Variants in TMEM179B observed in about 807,000 individuals in gnomAD.
TMEM179B encodes transmembrane protein 179B.
Under a neutral mutation model 18.0 loss-of-function variants are expected in TMEM179B, and 13 were observed. The observed-to-expected ratio is 0.72, with a 90% CI of 0.47 to 1.15. TMEM179B has a LOEUF of 1.15. Among genes scored for constraint, TMEM179B ranks in the 50% most tolerant of loss-of-function variants. The probability of loss-of-function intolerance (pLI) is 0.00; values close to 1 mark genes in which losing one functional copy is unlikely to be tolerated. For synonymous variants in TMEM179B, 159 were observed against 117.5 expected, an observed-to-expected ratio of 1.35 and a Z score of -2.29; for missense variants, 320 against 270.6, an observed-to-expected ratio of 1.18 and a Z score of -1.28.
chr11:62,789,338 G>A lies in TMEM179B; in HGVS notation c.331G>A (p.Val111Ile), dbSNP rs752707547. ...TGCACTGGCCATCTCAGCTATAGCC[G>A]TCTTCCTGGTCTTGGTGTCTGCCTG... ...RIALAISAIA[V>I]FLVLVSACIL... is the part of the protein sequence containing the mutation. Residue 111 changes from valine (V) to isoleucine (I), a missense_variant, in exon 3 of 5, where the codon GTC (valine) becomes ATC (isoleucine). Transcript: ENST00000333449. The A allele has an allele frequency of 1.1e-5, 17 of 1,613,924 alleles. No homozygotes were observed. The highest frequency in any genetic ancestry group is 9.9e-5 in the South Asian group (9 of 91,056).
chr11:62,787,445 G>A lies in TMEM179B; in HGVS notation c.14G>A (p.Trp5Ter), dbSNP rs771398878. 3 of 1,568,920 alleles carry A rather than the reference G, an allele frequency of 1.9e-6. No individual in the cohort carries two copies. The highest frequency in any genetic ancestry group is 1.7e-4 in the Middle Eastern group (1 of 5,784). MALS[W>*]LQRVELALFA... is the part of the protein sequence containing the mutation. ...GGTCAGGGCGCCATGGCGCTGTCCTGGCTGCAGCGCGTCGAGCTTGCGCTC... is the reference window on the plus strand; with the variant it reads ...GGTCAGGGCGCCATGGCGCTGTCCTAGCTGCAGCGCGTCGAGCTTGCGCTC... The change falls in exon 1 of 5, where the codon TGG becomes TAG. Residue 5 changes from tryptophan to a stop codon, truncating the protein, a stop_gained. Transcript: ENST00000333449. LOFTEE classifies it high-confidence loss of function.
Position 62,787,425 on chromosome 11 carries a change from GGGCGCCAT to G in TMEM179B, c.-1_7del. ...CTGCAGCGGCGCTTCCTGGTGGTCA[GGGCGCCAT>G]GGCGCTGTCCTGGCTGCAGCGCGTC... On this transcript the variant is annotated start_lost and 5_prime_UTR_variant, in exon 1 of 5. Coordinates refer to ENST00000333449, the MANE Select transcript of TMEM179B (RefSeq NM_199337.3). The G allele has an allele frequency of 6.4e-7, 1 of 1,560,492 alleles. No individual in the cohort carries two copies. Among genetic ancestry groups the G allele is most frequent in the Non-Finnish European group, 8.6e-7 (1 of 1,160,812 alleles).
At chr11:62,788,809 C>T (rs756485951) in intron 1 of TMEM179B, among the ~76,000 whole-genome samples, 5 of 152,106 alleles carry the variant, frequency 3.3e-5, no homozygotes, top group Admixed American at 2.0e-4. Context: ...ATTCTATATT[C>T]ATTGCCTATT....
chr11:62,790,119 C>T lies in TMEM179B; in HGVS notation c.*72C>T. 28 of 1,208,728 alleles carry T rather than the reference C, an allele frequency of 2.3e-5. No homozygotes were observed. The highest frequency in any genetic ancestry group is 1.4e-4 in the South Asian group (8 of 58,758). The allele number at this position is 1,208,728 out of a possible 1,614,324, so 74.9% of individuals were successfully genotyped here. A position where few individuals can be genotyped will look rare whatever the true frequency, so the allele number is the denominator to read the frequency against. ...GCCTGTAATCCCCCCCCTCAAGGCC[C>T]TGTTTATGTTGGGAGTCTTAGTTTT... On this transcript the variant is annotated 3_prime_UTR_variant, in exon 5 of 5. Coordinates refer to ENST00000333449, the MANE Select transcript of TMEM179B (RefSeq NM_199337.3).
chr11:62,787,417 G>A lies in TMEM179B; in HGVS notation c.-15G>A, dbSNP rs747507962. ...GGGTGCTGCTGCAGCGGCGCTTCCTGGTGGTCAGGGCGCCATGGCGCTGTC... is the reference window on the plus strand; with the variant it reads ...GGGTGCTGCTGCAGCGGCGCTTCCTAGTGGTCAGGGCGCCATGGCGCTGTC... On this transcript the variant is annotated 5_prime_UTR_variant, in exon 1 of 5. Transcript: ENST00000333449. The A allele has an allele frequency of 7.6e-5, 118 of 1,557,102 alleles. No individual in the cohort carries two copies. Among genetic ancestry groups the A allele is most frequent in the Non-Finnish European group, 9.7e-5 (112 of 1,159,558 alleles).
At chr11:62,787,752 T>G (rs1163468430) in intron 1 of TMEM179B, 2 of 686,306 alleles carry the variant, frequency 2.9e-6, no homozygotes, top group Non-Finnish European at 5.2e-6. Context: ...AAGGGACGGG[T>G]CAGTAGCGTC....
chr11:62,789,144 T>TGGCCCTCTA lies in TMEM179B; in HGVS notation c.219_227dup (p.Leu75_Tyr76insTer). The TGGCCCTCTA allele has an allele frequency of 6.2e-7, 1 of 1,614,200 alleles. No individual in the cohort carries two copies. Among genetic ancestry groups the TGGCCCTCTA allele is most frequent in the Non-Finnish European group, 8.5e-7 (1 of 1,180,024 alleles). ...TTTGTAGCTGGGGCCTCTGGCCTCTTGGCCCTCTACTGCCTCCTGCTTTTG... is the reference window on the plus strand; with the variant it reads ...TTTGTAGCTGGGGCCTCTGGCCTCTTGGCCCTCTAGGCCCTCTACTGCCTCCTGCTTTTG... On this transcript the variant is annotated stop_gained and inframe_insertion, in exon 2 of 5. Transcript: ENST00000333449. LOFTEE classifies it high-confidence loss of function.
chr11:62,788,642 T>C (rs926126044), intron 1 of TMEM179B, among the ~76,000 whole-genome samples: 1 of 143,288 alleles, frequency 7.0e-6, no homozygotes, highest in African/African-American at 2.6e-5. Context: ...AGGCAGAGCG[T>C]GCAGTGAGCC....
At position 62,789,568 on chromosome 11, in the gene TMEM179B, C is replaced by A. The variant is rs369725522; in HGVS notation, c.420-33C>A. 9 of 1,549,552 alleles carry A rather than the reference C, an allele frequency of 5.8e-6. No individual in the cohort carries two copies. The African/African-American group carries it at 9.6e-5, about 17-fold the overall frequency. On this transcript the variant is annotated intron_variant, in intron 3 of 4. Transcript: ENST00000333449. ...GGTGTGCCTCGGATATAAACTATCA[C>A]GCTTTCTCACAACTGTCTCTTTGAC...
Position 62,787,540 on chromosome 11 carries a change from GGCGGGGTCAGGTAGGCGGGGGA to G in TMEM179B, c.96+16_96+37del, listed in dbSNP as rs1282108496. 1 of 1,547,106 alleles carries G rather than the reference GGCGGGGTCAGGTAGGCGGGGGA, an allele frequency of 6.5e-7. No homozygotes were observed. Among genetic ancestry groups the G allele is most frequent in the Admixed American group, 1.9e-5 (1 of 52,614 alleles). ...GACTCGGACCCAGGTGCGGCTGCGG[GGCGGGGTCAGGTAGGCGGGGGA>G]GCTGGCCGGTCTGGACATGGCGAGG... On this transcript the variant is annotated intron_variant, in intron 1 of 4. Transcript: ENST00000333449.
In TMEM179B at chr11:62,789,044, C is replaced by T. The variant is rs370527683; in HGVS notation, c.118C>T (p.Pro40Ser). The T allele has an allele frequency of 6.8e-6, 11 of 1,613,996 alleles. No homozygotes were observed. The African/African-American group carries it at 1.1e-4, about 16-fold the overall frequency. The change falls in exon 2 of 5, where the codon CCC becomes TCC. Residue 40 changes from proline to serine, a missense_variant. Transcript: ENST00000333449. ...ACAGGGCTCCTTCAGTGGTAGATGT[C>T]CCCTGTATGGTGTGGCCACCCTGAA... is the stretch of plus-strand genomic sequence containing the variant. ...RTQGSFSGRC[P>S]LYGVATLNGS... is the part of the protein sequence containing the mutation.
chr11:62,790,204 A>T lies in TMEM179B; in HGVS notation c.*157A>T. 1 of 819,822 alleles carries T rather than the reference A, an allele frequency of 1.2e-6. No homozygotes were observed. Among genetic ancestry groups the T allele is most frequent in the Non-Finnish European group, 1.8e-6 (1 of 547,782 alleles). 50.8% of individuals were successfully genotyped at this position (819,822 alleles called of 1,614,324 possible). On this transcript the variant is annotated 3_prime_UTR_variant, in exon 5 of 5. Coordinates refer to ENST00000333449, the MANE Select transcript of TMEM179B (RefSeq NM_199337.3). ...CAGGCCCCCCTCCACCTCTTCCTGC[A>T]GCTGTTTTTGTACCAAAATATTATA... is the stretch of plus-strand genomic sequence containing the variant.
At position 62,789,439 on chromosome 11, in the gene TMEM179B, G is replaced by A. The variant is rs1263832079; in HGVS notation, c.419+13G>A. The A allele has an allele frequency of 1.2e-6, 2 of 1,613,690 alleles. No individual in the cohort carries two copies. The highest frequency in any genetic ancestry group is 1.1e-5 in the South Asian group (1 of 91,074). ...ACACTACAATTAGGTAATGGGAGAG[G>A]GAGGGAAGCCTGGCTGGGGCTGACT... On this transcript the variant is annotated intron_variant, in intron 3 of 4. Transcript: ENST00000333449.
chr11:62,789,400 C>T lies in TMEM179B; in HGVS notation c.393C>T (p.Ser131=). ...LRFGTRSLCN[S]IISLNTTISC... ...TTGGCACCAGGTCTCTCTGCAACTC[C>T]ATCATCTCCTTGAACACTACAATTA... The change falls in exon 3 of 5, where the codon TCC becomes TCT. Residue 131 remains serine (S), a synonymous_variant. Coordinates refer to ENST00000333449, the MANE Select transcript of TMEM179B (RefSeq NM_199337.3). The T allele has an allele frequency of 6.2e-7, 1 of 1,613,908 alleles. No homozygotes were observed. The highest frequency in any genetic ancestry group is 8.5e-7 in the Non-Finnish European group (1 of 1,180,012).
Position 62,789,433 on chromosome 11 carries a change from G to T in TMEM179B, c.419+7G>T. The T allele has an allele frequency of 6.2e-7, 1 of 1,613,692 alleles. No individual in the cohort carries two copies. The highest frequency in any genetic ancestry group is 8.5e-7 in the Non-Finnish European group (1 of 1,180,026). On this transcript the variant is annotated splice_region_variant and intron_variant, in intron 3 of 4. Coordinates refer to ENST00000333449, the MANE Select transcript of TMEM179B (RefSeq NM_199337.3). ...CCTTGAACACTACAATTAGGTAATG[G>T]GAGAGGGAGGGAAGCCTGGCTGGGG...
Position 62,787,537 on chromosome 11 carries a change from C to T in TMEM179B, c.96+10C>T, listed in dbSNP as rs1217311770. The T allele has an allele frequency of 3.2e-6, 5 of 1,552,158 alleles. No homozygotes were observed. Among genetic ancestry groups the T allele is most frequent in the East Asian group, 2.3e-5 (1 of 42,578 alleles). The stretch of plus-strand genomic sequence containing the variant: ...GATGACTCGGACCCAGGTGCGGCTG[C>T]GGGGCGGGGTCAGGTAGGCGGGGGA... On this transcript the variant is annotated intron_variant, in intron 1 of 4. Transcript: ENST00000333449.
chr11:62,788,996 C>T (rs375427562), intron 1 of TMEM179B, 27 bp from the exon 2 acceptor site: 1 of 1,595,842 alleles, frequency 6.3e-7, no homozygotes, highest in African/African-American at 1.3e-5. Flanking sequence ...AACCTGAAAT[C>T]TAGGACTCAG....
chr11:62,788,361 C>T (rs575439653), intron 1 of TMEM179B, among the ~76,000 whole-genome samples: 1 of 151,788 alleles, frequency 6.6e-6, no homozygotes, highest in Non-Finnish European at 1.5e-5. Flanking sequence ...CGAGATCGTG[C>T]CATTGCACTC....
intron 1 of TMEM179B, 80 bp downstream of exon 1, chr11:62,787,607 G>A: frequency 3.5e-6 from 5 of 1,430,760 alleles, no homozygotes; most frequent in South Asian, 1.4e-5. Flanking sequence ...CTTTCCGACC[G>A]GGCTTGCTGC....
Sources: allele counts gnomAD v4.1 joint callset (sites outside exome capture counted in the v4.1 genomes callset), GRCh38; gene constraint gnomAD v4.1.1; transcripts MANE v1.5; gene names NCBI Gene and HGNC (gene_info 2026-07-23, HGNC 2026-07-21).